The following FRMPD4 variants were observed in gnomAD, a reference collection of about 807,000 sequenced individuals.
The protein encoded by FRMPD4 is FERM and PDZ domain containing 4.
In FRMPD4, 22 loss-of-function variants were observed where a neutral mutation model predicts 94.1. That is an observed-to-expected ratio of 0.23 (90% confidence interval 0.17 to 0.33). FRMPD4 has a LOEUF of 0.33. Ranked by LOEUF, FRMPD4 falls within the 10% of genes least tolerant of loss-of-function variation. FRMPD4 has a pLI of 1.00. For synonymous variants in FRMPD4, 631 were observed against 548.6 expected, an observed-to-expected ratio of 1.15 and a Z score of -2.10; for missense variants, 1,111 against 1,339.9, an observed-to-expected ratio of 0.83 and a Z score of 2.67.
chrX:12,581,995 A>G (rs2058870680), intron 2 of FRMPD4, among the ~76,000 whole-genome samples: 1 of 112,008 alleles, frequency 8.9e-6, no homozygotes, highest in Non-Finnish European at 1.9e-5. Flanking sequence ...ATATTTTACT[A>G]TGTCTCACTA....
At chrX:12,693,422 T>G (rs1186396529) in intron 8 of FRMPD4, among the ~76,000 whole-genome samples, 2 of 112,502 alleles carry the variant, frequency 1.8e-5, no homozygotes, top group Non-Finnish European at 3.8e-5. Context: ...ACTTCTAGTA[T>G]GTGACACATA....
At chrX:11,921,748 A>G (rs1412306049) in intron 3 of FRMPD4, among the ~76,000 whole-genome samples, 1 of 112,382 alleles carries the variant, frequency 8.9e-6, no homozygotes, top group African/African-American at 3.2e-5. Context: ...AACATGTAAT[A>G]TGAACTATAA....
chrX:12,538,273 C>T (rs1319363533), intron 2 of FRMPD4, among the ~76,000 whole-genome samples: 1 of 111,300 alleles, frequency 9.0e-6, no homozygotes, highest in Non-Finnish European at 1.9e-5. Flanking sequence ...CAGCAGCAGG[C>T]TGGGGGAGGG....
chrX:12,603,013 A>G (rs1337738741), intron 2 of FRMPD4, among the ~76,000 whole-genome samples: 1 of 112,112 alleles, frequency 8.9e-6, no homozygotes, highest in East Asian at 2.8e-4. Flanking sequence ...GGAGCAAATC[A>G]AGACTAAGTC....
chrX:12,690,162 T>G, intron 7 of FRMPD4, 33 bp from the exon 8 acceptor site: 1 of 1,164,852 alleles, frequency 8.6e-7, no homozygotes, highest in Non-Finnish European at 1.2e-6. Flanking sequence ...AGCTTCGATT[T>G]TGGTCTCATC....
intron 1 of FRMPD4, among the ~76,000 whole-genome samples, chrX:11,831,640 A>G (rs1486229769): frequency 9.0e-6 from 1 of 111,542 alleles, no homozygotes; most frequent in African/African-American, 3.3e-5. Context: ...TTCATGTAAG[A>G]TAACAAGGGT....
At chrX:12,220,980 A>G (rs1450881045) in intron 1 of FRMPD4, among the ~76,000 whole-genome samples, 3 of 111,691 alleles carry the variant, frequency 2.7e-5, no homozygotes, top group African/African-American at 6.5e-5. Context: ...CAACATATCA[A>G]TTTCATGGGA....
chrX:12,620,451 C>T (rs1171096197), intron 4 of FRMPD4, among the ~76,000 whole-genome samples: 2 of 112,349 alleles, frequency 1.8e-5, no homozygotes, highest in Non-Finnish European at 3.8e-5. Context: ...TACTCAGAAA[C>T]CTACCCAATG....
chrX:12,492,509 A>T (rs185451289), intron 1 of FRMPD4, among the ~76,000 whole-genome samples: 8 of 112,577 alleles, frequency 7.1e-5, no homozygotes, highest in African/African-American at 1.9e-4. Context: ...GAAACTCTTG[A>T]TTAATAATAC....
chrX:11,980,834 T>C (rs950260053), intron 3 of FRMPD4, among the ~76,000 whole-genome samples: 7 of 112,263 alleles, frequency 6.2e-5, no homozygotes, highest in Non-Finnish European at 1.1e-4. Flanking sequence ...ATTGCTTACA[T>C]GTAATTCACA....
At chrX:12,439,231 T>C (rs1252572256) in intron 1 of FRMPD4, among the ~76,000 whole-genome samples, 1 of 111,093 alleles carries the variant, frequency 9.0e-6, no homozygotes, top group Non-Finnish European at 1.9e-5. Context: ...TGTCTTCCAA[T>C]GGGAATTGGG....
chrX:12,603,854 T>A (rs1056333987), intron 2 of FRMPD4, among the ~76,000 whole-genome samples: 3 of 110,833 alleles, frequency 2.7e-5, no homozygotes, highest in African/African-American at 9.8e-5. Context: ...CTTGCCTTGT[T>A]ACAGAGGGTC....
intron 3 of FRMPD4, among the ~76,000 whole-genome samples, chrX:12,001,797 C>A (rs1319931917): frequency 1.8e-5 from 2 of 111,889 alleles, no homozygotes; most frequent in Non-Finnish European, 3.8e-5. Flanking sequence ...TAAATGAATT[C>A]TTTAGAATAG....
At chrX:12,502,523 G>A (rs2057933233) in intron 2 of FRMPD4, among the ~76,000 whole-genome samples, 1 of 110,488 alleles carries the variant, frequency 9.1e-6, no homozygotes, top group Non-Finnish European at 1.9e-5. Flanking sequence ...AAAGAGAAAT[G>A]AAGAGAAACA....
At chrX:12,119,507 G>T (rs910025758) in intron 3 of FRMPD4, among the ~76,000 whole-genome samples, 10 of 112,049 alleles carry the variant, frequency 8.9e-5, no homozygotes, top group Admixed American at 6.6e-4. Flanking sequence ...GGTGTAACTT[G>T]GGACTGCAAA....
intron 3 of FRMPD4, among the ~76,000 whole-genome samples, chrX:12,107,966 C>T (rs747213241): frequency 3.0e-4 from 34 of 111,782 alleles, no homozygotes; most frequent in African/African-American, 9.1e-4. Context: ...CTGAAAGTGA[C>T]GGGGAAAATG....
chrX:12,139,558 G>GA (rs2055661137), intron 1 of FRMPD4, among the ~76,000 whole-genome samples: 1 of 107,928 alleles, frequency 9.3e-6, no homozygotes, highest in African/African-American at 3.4e-5. Context: ...TTTTGGGGGG[G>GA]GGGTAACTAT....
chrX:12,542,491 CAA>C (rs1210686902), intron 2 of FRMPD4, among the ~76,000 whole-genome samples: 1 of 111,946 alleles, frequency 8.9e-6, no homozygotes, highest in East Asian at 2.8e-4. Flanking sequence ...ACAATTGCTT[CAA>C]AGAGAATAAA....
At chrX:12,658,760 C>T (rs1360427661) in intron 4 of FRMPD4, among the ~76,000 whole-genome samples, 3 of 110,883 alleles carry the variant, frequency 2.7e-5, no homozygotes, top group South Asian at 3.9e-4. Context: ...TCTTAAGAAC[C>T]GAAGTTCATT....
Sources: allele counts gnomAD v4.1 joint callset (sites outside exome capture counted in the v4.1 genomes callset), GRCh38; gene constraint gnomAD v4.1.1; transcripts MANE v1.5; gene names NCBI Gene and HGNC (gene_info 2026-07-23, HGNC 2026-07-21).